The following NTHL1 variants were observed in gnomAD, a reference collection of about 807,000 sequenced individuals.
NTHL1 encodes endonuclease III-like protein 1.
Under a neutral mutation model 32.3 loss-of-function variants are expected in NTHL1, and 32 were observed. That is an observed-to-expected ratio of 0.99 (90% CI 0.75 to 1.33). NTHL1 has a LOEUF of 1.33. NTHL1 is among the 40% of genes most tolerant of loss of function. The pLI is 0.00. For synonymous variants in NTHL1, 188 were observed against 176.9 expected (o/e 1.06, Z -0.50); for missense variants, 501 against 414.1 (o/e 1.21, Z -1.82).
chr16:2,039,829 A>C lies in NTHL1; in HGVS notation c.*95T>G. 1 of 1,563,184 alleles carries C rather than the reference A, an allele frequency of 6.4e-7. No individual in the cohort carries two copies. Among genetic ancestry groups the C allele is most frequent in the Non-Finnish European group, 8.7e-7 (1 of 1,151,722 alleles). On this transcript the variant is annotated 3_prime_UTR_variant, in exon 6 of 6. Coordinates refer to ENST00000651570, the MANE Select transcript of NTHL1 (RefSeq NM_002528.7). ...TCAGCCAGATCCCATCTGCAAACAC[A>C]CCAAAGCTTTATTCAACAGGCGTGG... is the stretch of plus-strand genomic sequence containing the variant.
rs2150945858 is a variant in NTHL1 at position 2,046,211 on chromosome 16, T to C, written c.271A>G (p.Ile91Val). 6.2e-7 allele frequency: 1 copy of C among 1,613,210 alleles called. No homozygotes were observed. Among genetic ancestry groups the C allele is most frequent in the Non-Finnish European group, 8.5e-7 (1 of 1,179,992 alleles). Residue 91 changes from isoleucine (I) to valine (V), a missense_variant, in exon 2 of 6, where the codon ATC becomes GTC. Coordinates refer to ENST00000651570, the MANE Select transcript of NTHL1 (RefSeq NM_002528.7). The part of the protein sequence containing the change: ...PQDWQQQLVN[I>V]RAMRNKKDAP... ...TCCTTTTTGTTCCTCATGGCACGGA[T>C]GTTGACCAGCTGTTGCTGCCAGTCC...
At chr16:2,046,972 AAAAC>A (rs1232534470) in intron 1 of NTHL1, 1 of 152,766 alleles carries the variant, frequency 6.5e-6, no homozygotes, top group Non-Finnish European at 1.5e-5. Flanking sequence ...ACCCGATCTC[AAAAC>A]AAACAACAAA....
At chr16:2,046,498 C>T (rs2084401002) in intron 1 of NTHL1, 132 bp from the exon 2 acceptor site, 1 of 788,762 alleles carries the variant, frequency 1.3e-6, no homozygotes, top group Non-Finnish European at 2.0e-6. Context: ...ACTTGGGGTG[C>T]TCTGCCCTCT....
At chr16:2,047,486 A>G (rs887491217) in intron 1 of NTHL1, 41 of 693,082 alleles carry the variant, frequency 5.9e-5, no homozygotes, top group Non-Finnish European at 8.1e-5. Context: ...TTGGGGCGAA[A>G]GGGGGCAGCG....
rs1364826947 is a variant in NTHL1 at position 2,043,199 on chromosome 16, T to C, written c.685+368A>G. Reference sequence around the variant, plus strand: ...GCAGCTCTCAGGTGAAGGATGACCTTGGGGGCCTTCCCAGAGGCCCTGGGC... The same window carrying C: ...GCAGCTCTCAGGTGAAGGATGACCTCGGGGGCCTTCCCAGAGGCCCTGGGC... On this transcript the variant is annotated intron_variant, in intron 4 of 5. Transcript: ENST00000651570. This position sits in a 1 kb window ranked among gnomAD's most constrained non-coding sequence, Gnocchi z 4.4. 6.6e-6 allele frequency among the ~76,000 whole-genome samples: 1 copy of C among 151,362 alleles called. No individual in the cohort carries two copies. Among genetic ancestry groups the C allele is most frequent in the Non-Finnish European group, 1.5e-5 (1 of 67,820 alleles).
Position 2,044,598 on chromosome 16 carries a change from A to AGT in NTHL1, c.525+31_525+32insAC, listed in dbSNP as rs1457637089. On this transcript the variant is annotated intron_variant, in intron 3 of 5. Transcript: ENST00000651570. This position sits in a 1 kb window ranked among gnomAD's most constrained non-coding sequence, Gnocchi z 5.0. ...CTGAGGTCTCTCTCAGGCCACTGCCACCCGGCCCCCGTTGCCACAGGCAGG... is the reference window on the plus strand; with the variant it reads ...CTGAGGTCTCTCTCAGGCCACTGCCAGTCCCGGCCCCCGTTGCCACAGGCAGG... 3 of 1,598,290 alleles carry AGT rather than the reference A, an allele frequency of 1.9e-6. No individual in the cohort carries two copies. Among genetic ancestry groups the AGT allele is most frequent in the Non-Finnish European group, 2.5e-6 (3 of 1,179,738 alleles).
rs2084300211 is a variant in NTHL1, at chr16:2,043,678, A to C, written c.574T>G (p.Tyr192Asp). ...ACAGAGGCTGGGATGTCCCCACCGT[A>C]GTGCTGCTGCAGGATGGCGCTGGTC... ...KQTSAILQQHYGGDIPASVAE... is the reference protein window; with the variant it reads ...KQTSAILQQHDGGDIPASVAE... The change falls in exon 4 of 6, where the codon TAC becomes GAC. Residue 192 changes from tyrosine to aspartate, a missense_variant. Transcript: ENST00000651570. This position sits in a 1 kb window ranked among gnomAD's most constrained non-coding sequence, Gnocchi z 4.4. 5 of 1,612,208 alleles carry C rather than the reference A, an allele frequency of 3.1e-6. No homozygotes were observed. The highest frequency in any genetic ancestry group is 4.2e-6 in the Non-Finnish European group (5 of 1,179,972).
chr16:2,044,005 A>C lies in NTHL1; in HGVS notation c.526-279T>G, dbSNP rs1465134525. The C allele has an allele frequency of 4.0e-6, 2 of 495,248 alleles. No homozygotes were observed. The highest frequency in any genetic ancestry group is 3.9e-5 in the African/African-American group (2 of 51,584). The allele number at this position is 495,248 out of a possible 1,614,324, so 30.7% of individuals were successfully genotyped here. ...GTCATTCCCTGCCAGCACCCAGGCC[A>C]GGCCAAGCAGGCCAGCCGCTCCCAG... On this transcript the variant is annotated intron_variant, in intron 3 of 5. Coordinates refer to ENST00000651570, the MANE Select transcript of NTHL1 (RefSeq NM_002528.7). The surrounding 1 kb of genome is among the most constrained non-coding windows in gnomAD (Gnocchi z 5.0).
chr16:2,047,645 C>G, intron 1 of NTHL1, 64 bp downstream of exon 1: 2 of 1,520,376 alleles, frequency 1.3e-6, no homozygotes, highest in Admixed American at 2.0e-5. Context: ...GGAGGCGGCC[C>G]GGGACTCCAG....
rs2084296510 is a variant in NTHL1 at position 2,043,463 on chromosome 16, G to A, written c.685+104C>T. The A allele has an allele frequency of 5.3e-6, 8 of 1,505,732 alleles. No individual in the cohort carries two copies. The Middle Eastern group carries it at 9.4e-4, about 177-fold the overall frequency. 93.3% of individuals were successfully genotyped at this position (1,505,732 alleles called of 1,614,324 possible). A position where few individuals can be genotyped will look rare whatever the true frequency, so the allele number is the denominator to read the frequency against. ...AGCACCTTTCTGACTCTATGGGCTG[G>A]GTGGAGGACCAGCATGCTGGAAGTG... On this transcript the variant is annotated intron_variant, in intron 4 of 5. Transcript: ENST00000651570. This position sits in a 1 kb window ranked among gnomAD's most constrained non-coding sequence, Gnocchi z 4.4.
In NTHL1 at chr16:2,044,537, C is replaced by T. The variant is rs2084314413; in HGVS notation, c.525+93G>A. The T allele has an allele frequency of 6.5e-7, 1 of 1,539,978 alleles. No homozygotes were observed. Among genetic ancestry groups the T allele is most frequent in the Admixed American group, 1.7e-5 (1 of 59,674 alleles). ...CCCCCCGAGCCTGAGATGCTTGACC[C>T]TCACTTCCTGCACCGTCGCCACCCC... On this transcript the variant is annotated intron_variant, in intron 3 of 5. Coordinates refer to ENST00000651570, the MANE Select transcript of NTHL1 (RefSeq NM_002528.7). The surrounding 1 kb of genome is among the most constrained non-coding windows in gnomAD (Gnocchi z 5.0).
At chr16:2,041,896 C>T in intron 4 of NTHL1, 1 of 377,798 alleles carries the variant, frequency 2.6e-6, no homozygotes, top group Non-Finnish European at 5.2e-6. Context: ...GCGTGAGCCA[C>T]CACGCCTGGC....
rs373060958 is a variant in NTHL1 at position 2,039,896 on chromosome 16, C to A, written c.*28G>T. ...GCCACTTCACAGACGGTGGCCACAGCGGCACCTCGGCCAGAGCCATGCGGC... is the reference window on the plus strand; with the variant it reads ...GCCACTTCACAGACGGTGGCCACAGAGGCACCTCGGCCAGAGCCATGCGGC... On this transcript the variant is annotated 3_prime_UTR_variant, in exon 6 of 6. Transcript: ENST00000651570. The A allele has an allele frequency of 2.4e-5, 39 of 1,598,448 alleles. No individual in the cohort carries two copies. Among genetic ancestry groups the A allele is most frequent in the Non-Finnish European group, 3.1e-5 (37 of 1,179,642 alleles).
intron 2 of NTHL1, among the ~76,000 whole-genome samples, chr16:2,045,467 C>T (rs2084332865): frequency 1.3e-5 from 2 of 151,880 alleles, no homozygotes; most frequent in African/African-American, 4.8e-5. Flanking sequence ...GATGCAGTAT[C>T]ACTCTTTCAC....
chr16:2,043,815 GAGCT>G lies in NTHL1; in HGVS notation c.526-93_526-90del, dbSNP rs1443184789. ...CCCCCAGGAGACCCACAGGTGGCCA[GAGCT>G]ACCTGCACCTGCTGAGGACGTGTGC... On this transcript the variant is annotated intron_variant, in intron 3 of 5. Coordinates refer to ENST00000651570, the MANE Select transcript of NTHL1 (RefSeq NM_002528.7). The surrounding 1 kb of genome is among the most constrained non-coding windows in gnomAD (Gnocchi z 4.4). The G allele has an allele frequency of 1.4e-6, 2 of 1,466,452 alleles. No individual in the cohort carries two copies. The highest frequency in any genetic ancestry group is 2.8e-5 in the African/African-American group (2 of 72,292). The allele number at this position is 1,466,452 out of a possible 1,614,324, so 90.8% of individuals were successfully genotyped here. A position where few individuals can be genotyped will look rare whatever the true frequency, so the allele number is the denominator to read the frequency against.
chr16:2,041,753 G>A (rs185911198), intron 4 of NTHL1, among the ~76,000 whole-genome samples: 3 of 152,170 alleles, frequency 2.0e-5, no homozygotes, highest in East Asian at 1.9e-4. Flanking sequence ...GACAACAGGC[G>A]CCTGACACAA....
At chr16:2,042,716 G>A (rs933677131) in intron 4 of NTHL1, among the ~76,000 whole-genome samples, 1 of 152,042 alleles carries the variant, frequency 6.6e-6, no homozygotes, top group East Asian at 1.9e-4. Context: ...GAAGCCTCCG[G>A]TGCTAGGAAG....
chr16:2,047,498 A>C, intron 1 of NTHL1: 1 of 758,908 alleles, frequency 1.3e-6, no homozygotes, highest in African/African-American at 1.8e-5. Context: ...GGGGCAGCGG[A>C]GCGGAGCGCC....
At chr16:2,040,404 T>A in intron 4 of NTHL1, 166 bp from the exon 5 acceptor site, 1 of 703,422 alleles carries the variant, frequency 1.4e-6, no homozygotes, top group Non-Finnish European at 2.5e-6. Context: ...TGGCTGCCCC[T>A]GAGGTGCTGG....
Sources: gnomAD v4.1 joint callset for allele counts (sites outside exome capture counted in the v4.1 genomes callset) on GRCh38, gnomAD v4.1.1 for gene constraint, Gnocchi (gnomAD v3.1) non-coding constraint, MANE v1.5 for transcripts, NCBI Gene and HGNC (gene_info 2026-07-23, HGNC 2026-07-21) for gene names.